The following GSR variants were observed in gnomAD, a reference collection of about 807,000 sequenced individuals.
GSR encodes glutathione reductase, mitochondrial.
GSR carries 48 observed loss-of-function variants against 56.5 expected under a neutral mutation model. That is an observed-to-expected ratio of 0.85 (90% CI 0.67 to 1.08). The LOEUF (loss-of-function observed/expected upper bound fraction) is 1.08, where lower values mean the gene tolerates loss of function less well. Among genes scored for constraint, GSR ranks in the 50% least tolerant of loss-of-function variants. GSR has a pLI of 0.00. For synonymous variants in GSR, 264 were observed against 270.8 expected, an observed-to-expected ratio of 0.97 and a Z score of 0.25; for missense variants, 694 against 703.3, an observed-to-expected ratio of 0.99 and a Z score of 0.15.
At chr8:30,724,647 CAA>C (rs1474298016) in intron 1 of GSR, among the ~76,000 whole-genome samples, 4 of 141,928 alleles carry the variant, frequency 2.8e-5, no homozygotes, top group African/African-American at 1.0e-4. Flanking sequence ...CTCCTGGGCT[CAA>C]GTGATTCTCA....
intron 1 of GSR, among the ~76,000 whole-genome samples, chr8:30,712,864 G>A (rs1413728925): frequency 6.6e-6 from 1 of 152,082 alleles, no homozygotes; most frequent in Non-Finnish European, 1.5e-5. Flanking sequence ...ATAACTACTA[G>A]GCATTTGGCC....
intron 3 of GSR, among the ~76,000 whole-genome samples, chr8:30,708,961 A>AC (rs1804015487): frequency 6.7e-6 from 1 of 149,224 alleles, no homozygotes; most frequent in Non-Finnish European, 1.5e-5. Context: ...TCCGTCTCAA[A>AC]AAAAAAAAAA....
At chr8:30,726,271 A>AAG (rs1491108875) in intron 1 of GSR, among the ~76,000 whole-genome samples, 3 of 152,172 alleles carry the variant, frequency 2.0e-5, no homozygotes, top group Non-Finnish European at 4.4e-5. Context: ...TTAAGGTGAT[A>AAG]AGAGACACAC....
Position 30,681,958 on chromosome 8 carries a change from G to T in GSR, c.1257C>A (p.Pro419=). The T allele has an allele frequency of 6.2e-7, 1 of 1,613,610 alleles. No individual in the cohort carries two copies. The highest frequency in any genetic ancestry group is 8.5e-7 in the Non-Finnish European group (1 of 1,179,532). ...NNIPTVVFSH[P]PIGTVGLTED... ...CCGTGAGTCCCACTGTCCCAATAGG[G>T]GGGTGGCTGAAGACCACAGTTGGGA... Residue 419 remains proline (P), a synonymous_variant, in exon 11 of 13, where the codon CCC becomes CCA. Coordinates refer to ENST00000221130, the MANE Select transcript of GSR (RefSeq NM_000637.5).
intron 6 of GSR, among the ~76,000 whole-genome samples, chr8:30,697,508 G>A (rs1803589672): frequency 6.6e-6 from 1 of 151,962 alleles, no homozygotes; most frequent in Non-Finnish European, 1.5e-5. Flanking sequence ...CATGTCTGTG[G>A]TCCCAGTTAC....
chr8:30,698,559 G>C (rs1316112003), intron 6 of GSR, among the ~76,000 whole-genome samples: 1 of 152,162 alleles, frequency 6.6e-6, no homozygotes, highest in Admixed American at 6.5e-5. Flanking sequence ...AAGCCTGCCT[G>C]GTCTGAGGTA....
At chr8:30,707,777 A>G (rs1472662502) in intron 4 of GSR, among the ~76,000 whole-genome samples, 1 of 152,080 alleles carries the variant, frequency 6.6e-6, no homozygotes, top group African/African-American at 2.4e-5. Context: ...CAACATGGTG[A>G]AACCCTGTTT....
intron 2 of GSR, among the ~76,000 whole-genome samples, chr8:30,710,590 C>T (rs1437169457): frequency 6.7e-6 from 1 of 150,236 alleles, no homozygotes; most frequent in Non-Finnish European, 1.5e-5. Context: ...CATGGTGATG[C>T]ACGCCTGTAG....
chr8:30,687,409 G>GCTGGGAT (rs1271308410), intron 9 of GSR: 1 of 152,092 alleles, frequency 6.6e-6, no homozygotes, highest in Admixed American at 6.6e-5. Context: ...ACTTTGAGAG[G>GCTGGGAT]CCACGGTGGG....
intron 8 of GSR, among the ~76,000 whole-genome samples, chr8:30,691,280 G>A (rs1026800340): frequency 6.6e-6 from 1 of 151,750 alleles, no homozygotes; most frequent in African/African-American, 2.4e-5. Context: ...ACTTGAACCT[G>A]GGAGGTGGAG....
intron 2 of GSR, among the ~76,000 whole-genome samples, chr8:30,711,038 G>A (rs1302365997): frequency 1.3e-5 from 2 of 152,048 alleles, no homozygotes; most frequent in African/African-American, 4.8e-5. Context: ...TGACTAATAG[G>A]AAAGGAAATA....
chr8:30,717,423 G>C (rs2978296), intron 1 of GSR, among the ~76,000 whole-genome samples: 118,746 of 151,990 alleles, frequency 0.78, 46,590 homozygotes, highest in East Asian at 0.86. Flanking sequence ...CTCCCTGACC[G>C]CCAGGTGCCT....
At position 30,699,375 on chromosome 8, in the gene GSR, G is replaced by C. The variant is rs1264383216; in HGVS notation, c.695+706C>G. Among the ~76,000 whole-genome samples the C allele has an allele frequency of 2.6e-5, 4 of 151,836 alleles. No homozygotes were observed. In the East Asian group the frequency reaches 7.9e-4, roughly 30 times the overall value. Reference sequence around the variant, plus strand: ...TGTAATTCCAGCACTTTGGGAGGCTGAGGCGGGCGGATCACCTGAGGTCAG... The same window carrying C: ...TGTAATTCCAGCACTTTGGGAGGCTCAGGCGGGCGGATCACCTGAGGTCAG... On this transcript the variant is annotated intron_variant, in intron 6 of 12. Transcript: ENST00000221130.
chr8:30,698,118 T>G (rs945020246), intron 6 of GSR, among the ~76,000 whole-genome samples: 1 of 152,158 alleles, frequency 6.6e-6, no homozygotes, highest in Non-Finnish European at 1.5e-5. Context: ...GCCCCCTCAG[T>G]GCAAAAACTA....
intron 4 of GSR, among the ~76,000 whole-genome samples, chr8:30,705,645 T>C (rs996747225): frequency 7.9e-5 from 12 of 152,108 alleles, no homozygotes; most frequent in Non-Finnish European, 8.8e-5. Flanking sequence ...GGTGGGAGGA[T>C]TGCTTGAGCC....
At chr8:30,726,600 AAAT>A (rs559736404) in intron 1 of GSR, among the ~76,000 whole-genome samples, 2 of 152,026 alleles carry the variant, frequency 1.3e-5, no homozygotes, top group African/African-American at 2.4e-5. Context: ...TCTCTACAAA[AAAT>A]AATAATAATT....
chr8:30,719,214 C>G (rs1586069334), intron 1 of GSR, among the ~76,000 whole-genome samples: 1 of 148,116 alleles, frequency 6.8e-6, no homozygotes, highest in East Asian at 2.0e-4. Context: ...TCAAGCAATT[C>G]TCCTGCCTCA....
intron 4 of GSR, among the ~76,000 whole-genome samples, chr8:30,705,753 T>TA (rs1200478675): frequency 2.6e-5 from 4 of 151,886 alleles, no homozygotes; most frequent in African/African-American, 9.7e-5. Flanking sequence ...AAAATAAAAA[T>TA]AAAAAACTTG....
rs548499858 is a variant in GSR, at chr8:30,701,421, C to G, written c.641-1286G>C. On this transcript the variant is annotated intron_variant, in intron 5 of 12. Transcript: ENST00000221130. The stretch of plus-strand genomic sequence containing the variant: ...GCAGAGGTTGCAGTGAGCCAAGATC[C>G]TCCCATTGCACTCCAGCCTGGGTGA... Among the ~76,000 whole-genome samples, 44 of 151,454 alleles carry G rather than the reference C, an allele frequency of 2.9e-4. 1 individual carries two copies. The highest frequency in any genetic ancestry group is 2.7e-3 in the South Asian group (13 of 4,776).
Sources: gnomAD v4.1 joint callset for allele counts (sites outside exome capture counted in the v4.1 genomes callset) on GRCh38, gnomAD v4.1.1 for gene constraint, MANE v1.5 for transcripts, NCBI Gene and HGNC (gene_info 2026-07-23, HGNC 2026-07-21) for gene names.